RCSD1: variants seen among roughly 807,000 people sequenced by gnomAD.
RCSD1 encodes the protein RCSD domain containing 1.
Under a neutral mutation model 42.5 loss-of-function variants are expected in RCSD1, and 26 were observed. The observed-to-expected ratio is 0.61, with a 90% CI of 0.45 to 0.85. The LOEUF (loss-of-function observed/expected upper bound fraction) is 0.85, where lower values mean the gene tolerates loss of function less well. Among genes scored for constraint, RCSD1 ranks in the 40% least tolerant of loss-of-function variants. The pLI is 0.00. For missense variants in RCSD1, 571 were observed against 528.3 expected, an observed-to-expected ratio of 1.08 and a Z score of -0.79; for synonymous variants, 220 against 212.2, an observed-to-expected ratio of 1.04 and a Z score of -0.32.
chr1:167,704,653 C>T lies in RCSD1; in HGVS notation c.1219-11C>T, dbSNP rs369651566. 7 of 1,611,602 alleles carry T rather than the reference C, an allele frequency of 4.3e-6. No individual in the cohort carries two copies. The highest frequency in any genetic ancestry group is 5.9e-6 in the Non-Finnish European group (7 of 1,178,242). On this transcript the variant is annotated splice_polypyrimidine_tract_variant and intron_variant, in intron 6 of 6. Transcript: ENST00000367854. ...ATTTTCCTAATTAATTCTTTCCTCC[C>T]CTGTTCACAGGATGACACTCCTGTC...
chr1:167,634,223 T>TA (rs1657773718), intron 1 of RCSD1, among the ~76,000 whole-genome samples: 1 of 152,208 alleles, frequency 6.6e-6, no homozygotes, highest in Admixed American at 6.5e-5. Context: ...AAGCCACTAT[T>TA]AGAACACTAG....
At chr1:167,665,527 G>A (rs1658636710) in intron 1 of RCSD1, among the ~76,000 whole-genome samples, 1 of 152,070 alleles carries the variant, frequency 6.6e-6, no homozygotes, top group African/African-American at 2.4e-5. Flanking sequence ...TTAACTTCAC[G>A]AGCAGCTACC....
At chr1:167,701,456 C>G (rs1466819676) in intron 6 of RCSD1, among the ~76,000 whole-genome samples, 2 of 152,032 alleles carry the variant, frequency 1.3e-5, no homozygotes, top group East Asian at 3.9e-4. Context: ...CAAGCCCGCA[C>G]CACCATGCCA....
At chr1:167,640,576 G>T (rs925261250) in intron 1 of RCSD1, 2 of 152,328 alleles carry the variant, frequency 1.3e-5, no homozygotes, top group African/African-American at 4.8e-5. Context: ...TCAAGACAGG[G>T]TCTTGCTCTG....
At chr1:167,702,225 C>A (rs555753600) in intron 6 of RCSD1, among the ~76,000 whole-genome samples, 2 of 152,132 alleles carry the variant, frequency 1.3e-5, no homozygotes, top group Non-Finnish European at 2.9e-5. Context: ...ATTTGTTCTT[C>A]GAGAGAAAAC....
At chr1:167,695,721 T>C (rs973754067) in intron 5 of RCSD1, among the ~76,000 whole-genome samples, 1 of 151,954 alleles carries the variant, frequency 6.6e-6, no homozygotes, top group African/African-American at 2.4e-5. Context: ...GGTTTTGCCA[T>C]GTCTTCAACC....
chr1:167,704,558 C>T, intron 6 of RCSD1, 106 bp from the exon 7 acceptor site: 1 of 941,632 alleles, frequency 1.1e-6, no homozygotes, highest in South Asian at 1.4e-5. Context: ...TACTATTACT[C>T]CTACTGTTAC....
chr1:167,639,595 C>T (rs994735015), intron 1 of RCSD1, among the ~76,000 whole-genome samples: 6 of 152,250 alleles, frequency 3.9e-5, no homozygotes, highest in Admixed American at 2.6e-4. Flanking sequence ...CTGGTTCAAA[C>T]GATTCTCCTG....
chr1:167,675,458 T>C (rs973331695), intron 1 of RCSD1, among the ~76,000 whole-genome samples: 1 of 152,012 alleles, frequency 6.6e-6, no homozygotes, highest in Non-Finnish European at 1.5e-5. Flanking sequence ...AAACAACTGC[T>C]CCCATAATTC....
At chr1:167,662,845 G>A (rs1229375) in intron 1 of RCSD1, among the ~76,000 whole-genome samples, 1 of 151,934 alleles carries the variant, frequency 6.6e-6, no homozygotes, top group African/African-American at 2.4e-5. Flanking sequence ...CGAGTTTCTT[G>A]CGATTCTGCC....
At chr1:167,679,920 G>A (rs923936305) in intron 1 of RCSD1, among the ~76,000 whole-genome samples, 2 of 152,150 alleles carry the variant, frequency 1.3e-5, no homozygotes, top group Admixed American at 1.3e-4. Flanking sequence ...GGCAACAGCG[G>A]AGGGGAAGTT....
At chr1:167,640,340 T>G (rs916881021) in intron 1 of RCSD1, 1 of 152,326 alleles carries the variant, frequency 6.6e-6, no homozygotes, top group African/African-American at 2.4e-5. Context: ...CCAGCTTCCT[T>G]GACTTGTGGC....
rs140219524 is a variant in RCSD1 at position 167,637,177 on chromosome 1, A to C, written c.6+6748A>C. 2.3e-3 allele frequency among the ~76,000 whole-genome samples: 345 copies of C among 152,310 alleles called. 2 individuals carry two copies. The highest frequency in any genetic ancestry group is 7.7e-3 in the African/African-American group (320 of 41,568). ...CCAAGGGCAGAAAATTGGGAAGAGC[A>C]TTCCAATCAGAAAGAGTGACAAGAG... On this transcript the variant is annotated intron_variant, in intron 1 of 6. Transcript: ENST00000367854.
At chr1:167,659,451 C>A (rs1053616497) in intron 1 of RCSD1, among the ~76,000 whole-genome samples, 4 of 151,944 alleles carry the variant, frequency 2.6e-5, no homozygotes, top group Admixed American at 6.6e-5. Context: ...GGGAGTTTTC[C>A]CTTAGTTAAA....
chr1:167,687,531 A>G (rs1048806388), intron 3 of RCSD1, among the ~76,000 whole-genome samples: 2 of 151,802 alleles, frequency 1.3e-5, no homozygotes, highest in Admixed American at 1.3e-4. Flanking sequence ...TCAAAAAAAA[A>G]AAAAAAAGAA....
At chr1:167,693,191 G>C (rs750202424) in intron 4 of RCSD1, among the ~76,000 whole-genome samples, 2 of 152,208 alleles carry the variant, frequency 1.3e-5, no homozygotes, top group Admixed American at 1.3e-4. Flanking sequence ...TCTGTCTCCT[G>C]GTTCGGCACT....
At chr1:167,642,610 A>AGGAGCATGCCACCAGGAG in intron 1 of RCSD1, among the ~76,000 whole-genome samples, 1 of 152,182 alleles carries the variant, frequency 6.6e-6, no homozygotes, top group African/African-American at 2.4e-5. Flanking sequence ...GGAACAGCCA[A>AGGAGCATGCCACCAGGAG]TTCCATGGAG....
chr1:167,673,073 G>A (rs1349913696), intron 1 of RCSD1, among the ~76,000 whole-genome samples: 1 of 152,186 alleles, frequency 6.6e-6, no homozygotes, highest in African/African-American at 2.4e-5. Context: ...GATCCAAGAC[G>A]ATGCTCGGGA....
At chr1:167,667,999 A>G (rs1658700568) in intron 1 of RCSD1, among the ~76,000 whole-genome samples, 1 of 152,118 alleles carries the variant, frequency 6.6e-6, no homozygotes, top group Non-Finnish European at 1.5e-5. Flanking sequence ...GGGTATTTTA[A>G]AAGCTCTCGG....
Sources: allele counts gnomAD v4.1 joint callset (sites outside exome capture counted in the v4.1 genomes callset), GRCh38; gene constraint gnomAD v4.1.1; transcripts MANE v1.5; gene names NCBI Gene and HGNC (gene_info 2026-07-23, HGNC 2026-07-21).